The following RIMBP2 variants were observed in gnomAD, a reference collection of about 807,000 sequenced individuals.
The protein encoded by RIMBP2 is RIMS binding protein 2.
A neutral mutation model predicts 118.6 loss-of-function variants in RIMBP2; 48 were observed. The ratio of observed to expected loss-of-function variants is 0.40; its 90% CI spans 0.32 to 0.51. The LOEUF is 0.51. Ranked by LOEUF, RIMBP2 falls within the 20% of genes least tolerant of loss-of-function variation. RIMBP2 has a pLI of 0.41. For missense variants in RIMBP2, 1,551 were observed against 1,768.3 expected, an observed-to-expected ratio of 0.88 and a Z score of 2.20; for synonymous variants, 762 against 742.9, an observed-to-expected ratio of 1.03 and a Z score of -0.42.
intron 1 of RIMBP2, among the ~76,000 whole-genome samples, chr12:130,669,635 C>A (rs562224100): frequency 1.5e-4 from 23 of 152,304 alleles, no homozygotes; most frequent in Non-Finnish European, 2.9e-4. Context: ...GAGGCCTCCC[C>A]AGCCATGTGG....
intron 1 of RIMBP2, among the ~76,000 whole-genome samples, chr12:130,696,107 G>A (rs1418961138): frequency 6.6e-6 from 1 of 152,174 alleles, no homozygotes; most frequent in East Asian, 1.9e-4. Context: ...AGGTACCAAC[G>A]ATGCATGGAC....
intron 3 of RIMBP2, among the ~76,000 whole-genome samples, chr12:130,507,671 A>G (rs9668242): frequency 0.94 from 142,967 of 152,260 alleles, 67,241 homozygotes; most frequent in Non-Finnish European, 0.97. Context: ...CTTCGAAACA[A>G]GTAAGGGGAT....
chr12:130,606,884 T>C (rs1229074436), intron 2 of RIMBP2, among the ~76,000 whole-genome samples: 2 of 152,206 alleles, frequency 1.3e-5, no homozygotes, highest in Non-Finnish European at 2.9e-5. Flanking sequence ...CAGGCTAGGG[T>C]GCAGTAGCGC....
At chr12:130,599,479 G>A (rs2059746499) in intron 2 of RIMBP2, among the ~76,000 whole-genome samples, 1 of 152,138 alleles carries the variant, frequency 6.6e-6, no homozygotes, top group Non-Finnish European at 1.5e-5. Flanking sequence ...CACCCAAGAA[G>A]ACATATGGCA....
At position 130,623,558 on chromosome 12, in the gene RIMBP2, G is replaced by T. The variant is rs1371893554; in HGVS notation, c.-217+4764C>A. Reference sequence around the variant, plus strand: ...TAGTTAACTGTTGTCATCTGTGTGTGCATCTACATATAGCACAATTGTTCA... The same window carrying T: ...TAGTTAACTGTTGTCATCTGTGTGTTCATCTACATATAGCACAATTGTTCA... On this transcript the variant is annotated intron_variant, in intron 2 of 22. Transcript: ENST00000690449. This position sits in a 1 kb window ranked among gnomAD's most constrained non-coding sequence, Gnocchi z 4.1. 6.6e-6 allele frequency among the ~76,000 whole-genome samples: 1 copy of T among 152,156 alleles called. No homozygotes were observed. The highest frequency in any genetic ancestry group is 2.4e-5 in the African/African-American group (1 of 41,430).
rs1032089796 is a variant in RIMBP2 at position 130,525,533 on chromosome 12, C to T, written c.-216-7616G>A. Among the ~76,000 whole-genome samples the T allele has an allele frequency of 2.6e-5, 4 of 152,048 alleles. No homozygotes were observed. Among genetic ancestry groups the T allele is most frequent in the African/African-American group, 9.7e-5 (4 of 41,400 alleles). ...AGTAACTCCTCCTTCCTCCCACAGGCGAGTGGAATGTGGGTAGCTGCCGGG... is the reference window on the plus strand; with the variant it reads ...AGTAACTCCTCCTTCCTCCCACAGGTGAGTGGAATGTGGGTAGCTGCCGGG... On this transcript the variant is annotated intron_variant, in intron 2 of 22. Coordinates refer to ENST00000690449, the MANE Select transcript of RIMBP2 (RefSeq NM_001393629.1). The surrounding 1 kb of genome is among the most constrained non-coding windows in gnomAD (Gnocchi z 4.4).
intron 17 of RIMBP2, among the ~76,000 whole-genome samples, chr12:130,415,110 A>G (rs1206040953): frequency 2.0e-5 from 3 of 152,186 alleles, no homozygotes; most frequent in African/African-American, 7.2e-5. Flanking sequence ...AGAGAAAACT[A>G]CAGGCTAATA....
Position 130,457,238 on chromosome 12 carries a change from A to T in RIMBP2, c.154-538T>A, listed in dbSNP as rs543338955. ...CCCCTCGGACTGTAGAACCCTTAAG[A>T]GCACCACTTGGAGCAATAAGGACTC... On this transcript the variant is annotated intron_variant, in intron 6 of 22. Transcript: ENST00000690449. Among the ~76,000 whole-genome samples, 3 of 152,302 alleles carry T rather than the reference A, an allele frequency of 2.0e-5. No homozygotes were observed. The South Asian group carries it at 6.2e-4, about 32-fold the overall frequency.
intron 4 of RIMBP2, among the ~76,000 whole-genome samples, chr12:130,502,696 A>C (rs1336594163): frequency 6.6e-6 from 1 of 152,176 alleles, no homozygotes; most frequent in East Asian, 1.9e-4. Flanking sequence ...ACAGTGTATC[A>C]CACGCATTTG....
intron 5 of RIMBP2, among the ~76,000 whole-genome samples, chr12:130,473,952 A>T (rs1426790900): frequency 6.6e-6 from 1 of 152,228 alleles, no homozygotes. Context: ...TACCAGTAAG[A>T]GGAACTGTAG....
chr12:130,414,255 G>A lies in RIMBP2; in HGVS notation c.3290C>T (p.Thr1097Ile). The change falls in exon 18 of 23, where the codon ACT becomes ATT. Residue 1097 changes from threonine (T) to isoleucine (I), a missense_variant. Transcript: ENST00000690449. ...CGGGAGCTCTTCGGCACCAGGGTCAGTTTCTGACTCTTCATAGAAGTCTGG... is the reference window on the plus strand; with the variant it reads ...CGGGAGCTCTTCGGCACCAGGGTCAATTTCTGACTCTTCATAGAAGTCTGG... ...LSPDFYEESE[T>I]DPGAEELPAR... 6.2e-7 allele frequency: 1 copy of A among 1,613,010 alleles called. No individual in the cohort carries two copies. Among genetic ancestry groups the A allele is most frequent in the Non-Finnish European group, 8.5e-7 (1 of 1,179,492 alleles).
chr12:130,621,131 C>T lies in RIMBP2; in HGVS notation c.-217+7191G>A, dbSNP rs539770616. On this transcript the variant is annotated intron_variant, in intron 2 of 22. Coordinates refer to ENST00000690449, the MANE Select transcript of RIMBP2 (RefSeq NM_001393629.1). This position sits in a 1 kb window ranked among gnomAD's most constrained non-coding sequence, Gnocchi z 6.6. The stretch of plus-strand genomic sequence containing the variant: ...GCACCCTGGGAGCTGGTCATTCCTA[C>T]GTGGAAAGTGACCTTAGGTGAGTTG... 3.6e-4 allele frequency among the ~76,000 whole-genome samples: 55 copies of T among 152,198 alleles called. No homozygotes were observed. Among genetic ancestry groups the T allele is most frequent in the Non-Finnish European group, 5.4e-4 (37 of 68,020 alleles).
Position 130,688,937 on chromosome 12 carries a change from G to A in RIMBP2, c.-352+27285C>T, listed in dbSNP as rs1241227153. ...AGAACTGGAGCGAAGGTCGGTCGCAGGCAGCAGAGAACTGCCCAGTGTGCG... is the reference window on the plus strand; with the variant it reads ...AGAACTGGAGCGAAGGTCGGTCGCAAGCAGCAGAGAACTGCCCAGTGTGCG... On this transcript the variant is annotated intron_variant, in intron 1 of 22. Coordinates refer to ENST00000690449, the MANE Select transcript of RIMBP2 (RefSeq NM_001393629.1). The surrounding 1 kb of genome is among the most constrained non-coding windows in gnomAD (Gnocchi z 4.7). Among the ~76,000 whole-genome samples the A allele has an allele frequency of 1.3e-5, 2 of 152,258 alleles. No individual in the cohort carries two copies. Among genetic ancestry groups the A allele is most frequent in the Non-Finnish European group, 2.9e-5 (2 of 68,040 alleles).
chr12:130,702,964 T>A (rs2065931794), intron 1 of RIMBP2, among the ~76,000 whole-genome samples: 1 of 152,170 alleles, frequency 6.6e-6, no homozygotes, highest in African/African-American at 2.4e-5. Flanking sequence ...GAGCATCTAC[T>A]TCTTTCCTCC....
intron 16 of RIMBP2, among the ~76,000 whole-genome samples, chr12:130,423,466 A>G (rs1324015414): frequency 6.6e-6 from 1 of 152,204 alleles, no homozygotes; most frequent in Non-Finnish European, 1.5e-5. Context: ...GCATGACAGG[A>G]GCAAATGTTC....
At position 130,446,949 on chromosome 12, in the gene RIMBP2, G is replaced by A. The variant is rs77202350; in HGVS notation, c.582-1680C>T. On this transcript the variant is annotated intron_variant, in intron 9 of 22. Coordinates refer to ENST00000690449, the MANE Select transcript of RIMBP2 (RefSeq NM_001393629.1). The surrounding 1 kb of genome is among the most constrained non-coding windows in gnomAD (Gnocchi z 4.1). Reference sequence around the variant, plus strand: ...GGGACTGAGGTGCAGGAGGACCCTCGGCTTTCTGGCCTCAGGGTGAGCAGG... The same window carrying A: ...GGGACTGAGGTGCAGGAGGACCCTCAGCTTTCTGGCCTCAGGGTGAGCAGG... Among the ~76,000 whole-genome samples the A allele has an allele frequency of 4.6e-3, 702 of 151,632 alleles. 7 individuals carry two copies. The highest frequency in any genetic ancestry group is 0.016 in the African/African-American group (667 of 41,258).
intron 2 of RIMBP2, among the ~76,000 whole-genome samples, chr12:130,566,976 G>C (rs1336641866): frequency 6.6e-6 from 1 of 152,142 alleles, no homozygotes; most frequent in Non-Finnish European, 1.5e-5. Flanking sequence ...GTTAGGGTGG[G>C]CTTAAATGCA....
At chr12:130,482,699 C>G (rs1480117900) in intron 4 of RIMBP2, among the ~76,000 whole-genome samples, 1 of 152,274 alleles carries the variant, frequency 6.6e-6, no homozygotes, top group Non-Finnish European at 1.5e-5. Context: ...TCTTGGAGCT[C>G]ACATTCTGCA....
rs576152145 is a variant in RIMBP2, at chr12:130,558,395, C to T, written c.-216-40478G>A. On this transcript the variant is annotated intron_variant, in intron 2 of 22. Transcript: ENST00000690449. ...ACACACCTCTCTCTGCAAACACACA[C>T]AGCTGCCGGGGTGGGGCTGGGCTTT... Among the ~76,000 whole-genome samples, 5 of 152,302 alleles carry T rather than the reference C, an allele frequency of 3.3e-5. No homozygotes were observed. In the South Asian group the frequency reaches 1.0e-3, roughly 32 times the overall value.
Sources: gnomAD v4.1 joint callset for allele counts (sites outside exome capture counted in the v4.1 genomes callset) on GRCh38, gnomAD v4.1.1 for gene constraint, Gnocchi (gnomAD v3.1) non-coding constraint, MANE v1.5 for transcripts, NCBI Gene and HGNC (gene_info 2026-07-23, HGNC 2026-07-21) for gene names.